Variants in SCIN observed in about 807,000 individuals in gnomAD.
The protein encoded by SCIN is scinderin.
In SCIN, 91 loss-of-function variants were observed where a neutral mutation model predicts 91.8. That is an observed-to-expected ratio of 0.99 (90% confidence interval 0.84 to 1.18). The LOEUF (loss-of-function observed/expected upper bound fraction) is 1.18. SCIN is among the 50% of genes most tolerant of loss of function. The probability of loss-of-function intolerance (pLI) is 0.00; values close to 1 mark genes in which losing one functional copy is unlikely to be tolerated. For missense variants in SCIN, 1,087 were observed against 863.9 expected (o/e 1.26, Z -3.24); for synonymous variants, 367 against 312.6 (o/e 1.17, Z -1.84).
intron 9 of SCIN, among the ~76,000 whole-genome samples, chr7:12,630,139 C>G (rs907483801): frequency 6.6e-6 from 1 of 151,992 alleles, no homozygotes; most frequent in South Asian, 2.1e-4. Context: ...GTGAACCTCA[C>G]ACCGAGACAG....
At chr7:12,633,796 A>G (rs1783693453) in intron 9 of SCIN, among the ~76,000 whole-genome samples, 1 of 152,198 alleles carries the variant, frequency 6.6e-6, no homozygotes, top group Admixed American at 6.5e-5. Context: ...GCCCATCATC[A>G]TGCAGCTCTG....
At chr7:12,641,017 A>T (rs536452925) in intron 11 of SCIN, among the ~76,000 whole-genome samples, 1 of 152,254 alleles carries the variant, frequency 6.6e-6, no homozygotes, top group African/African-American at 2.4e-5. Context: ...GTGCCATAAG[A>T]TAAGAAGACC....
At chr7:12,629,337 G>A in intron 9 of SCIN, 115 bp downstream of exon 9, 1 of 981,374 alleles carries the variant, frequency 1.0e-6, no homozygotes, top group Non-Finnish European at 1.4e-6. Context: ...AGTGAGATTT[G>A]TATAGCATGC....
chr7:12,572,572 T>G (rs1167744900), intron 1 of SCIN, among the ~76,000 whole-genome samples: 1 of 152,216 alleles, frequency 6.6e-6, no homozygotes, highest in African/African-American at 2.4e-5. Flanking sequence ...CTTTGTCAGA[T>G]GACCGCAAGG....
In SCIN at chr7:12,640,494, G is replaced by A; in HGVS notation, c.1558G>A (p.Ala520Thr). Residue 520 changes from alanine to threonine, a missense_variant, in exon 11 of 16, where the codon GCA becomes ACA. By Grantham distance (58) the Ala-to-Thr change is moderately conservative. Coordinates refer to ENST00000297029, the MANE Select transcript of SCIN (RefSeq NM_001112706.3). ...CCTCTTTCAAGTCCGGAGAAACCTG[G>A]CATCTATCACCAGAATTGTGGAGGT... The part of the protein sequence containing the change: ...TRLFQVRRNL[A>T]SITRIVEVDV... 7 of 1,611,480 alleles carry A rather than the reference G, an allele frequency of 4.3e-6. No homozygotes were observed. The highest frequency in any genetic ancestry group is 5.9e-6 in the Non-Finnish European group (7 of 1,178,834).
intron 13 of SCIN, among the ~76,000 whole-genome samples, chr7:12,645,727 A>G (rs1340231734): frequency 2.0e-5 from 3 of 152,186 alleles, no homozygotes; most frequent in Non-Finnish European, 2.9e-5. Context: ...TCCCACTTAT[A>G]AGTGAGAACC....
chr7:12,655,918 G>A lies in SCIN; in HGVS notation c.*3203G>A, dbSNP rs934532035. ...ACCCAGGAAGCCTACTGTTAGTAGA[G>A]GTCAGCCTCATCTTTTCTCTCTGAT... On this transcript the variant is annotated 3_prime_UTR_variant, in exon 16 of 16. Coordinates refer to ENST00000297029, the MANE Select transcript of SCIN (RefSeq NM_001112706.3). 2.0e-5 allele frequency: 3 copies of A among 152,118 alleles called. No individual in the cohort carries two copies. Among genetic ancestry groups the A allele is most frequent in the Admixed American group, 6.5e-5 (1 of 15,272 alleles). 9.4% of individuals were successfully genotyped at this position (152,118 alleles called of 1,614,324 possible).
chr7:12,571,652 A>T (rs1562590386), intron 1 of SCIN: 1 of 447,370 alleles, frequency 2.2e-6, no homozygotes, highest in Non-Finnish European at 4.5e-6. Flanking sequence ...GATATTTTAT[A>T]TACAAATAAA....
intron 13 of SCIN, among the ~76,000 whole-genome samples, chr7:12,646,234 T>A (rs1783963031): frequency 1.3e-5 from 2 of 152,252 alleles, no homozygotes; most frequent in African/African-American, 4.8e-5. Context: ...TACCATTGAC[T>A]GTGTGGTTTA....
chr7:12,625,727 G>C (rs1310953515), intron 6 of SCIN, 35 bp from the exon 7 acceptor site: 1 of 1,366,188 alleles, frequency 7.3e-7, no homozygotes, highest in Admixed American at 1.9e-5. Flanking sequence ...TTCCTTCTCT[G>C]AAGTTCTTTC....
At chr7:12,625,912 A>T in intron 7 of SCIN, 62 bp downstream of exon 7, 2 of 1,222,238 alleles carry the variant, frequency 1.6e-6, no homozygotes, top group South Asian at 1.4e-5. Flanking sequence ...TGACATCTCC[A>T]CGAAACTCAT....
intron 3 of SCIN, among the ~76,000 whole-genome samples, chr7:12,603,124 A>C (rs1374579091): frequency 4.6e-5 from 7 of 151,802 alleles, no homozygotes; most frequent in African/African-American, 1.5e-4. Flanking sequence ...CTATAAATGG[A>C]ATTTCTTGTT....
chr7:12,576,287 A>G (rs971092521), intron 1 of SCIN, among the ~76,000 whole-genome samples: 3 of 152,170 alleles, frequency 2.0e-5, no homozygotes, highest in African/African-American at 4.8e-5. Context: ...CGGTGTGTCA[A>G]ATACTTAACT....
chr7:12,646,381 C>T (rs375646857), intron 13 of SCIN, among the ~76,000 whole-genome samples: 184 of 152,206 alleles, frequency 1.2e-3, no homozygotes, highest in African/African-American at 4.2e-3. Context: ...AAGCTCTAGT[C>T]GTGTTCTTTC....
chr7:12,645,273 C>T (rs1239571730), intron 13 of SCIN, among the ~76,000 whole-genome samples: 3 of 151,926 alleles, frequency 2.0e-5, no homozygotes, highest in African/African-American at 7.3e-5. Context: ...GAGCCAAGAT[C>T]GTGCCACTGG....
chr7:12,631,303 A>T (rs1384528582), intron 9 of SCIN, among the ~76,000 whole-genome samples: 1 of 152,206 alleles, frequency 6.6e-6, no homozygotes, highest in African/African-American at 2.4e-5. Flanking sequence ...TCAGGAGCTT[A>T]TACGTAATGA....
chr7:12,621,391 A>G (rs1783404091), intron 4 of SCIN, among the ~76,000 whole-genome samples: 1 of 152,126 alleles, frequency 6.6e-6, no homozygotes, highest in Admixed American at 6.6e-5. Context: ...ATGCCTGGCT[A>G]ATATGGGAAT....
intron 4 of SCIN, among the ~76,000 whole-genome samples, chr7:12,610,405 C>T (rs577240526): frequency 6.6e-6 from 1 of 152,286 alleles, no homozygotes; most frequent in South Asian, 2.1e-4. Context: ...AGCCATACTT[C>T]TTCAAAGTAC....
At chr7:12,625,240 C>T in intron 6 of SCIN, 98 bp downstream of exon 6, 1 of 1,126,738 alleles carries the variant, frequency 8.9e-7, no homozygotes, top group Non-Finnish European at 1.2e-6. Flanking sequence ...AAAAAGCCCA[C>T]CTTTTAATTA....
Sources: allele counts gnomAD v4.1 joint callset (sites outside exome capture counted in the v4.1 genomes callset), GRCh38; gene constraint gnomAD v4.1.1; transcripts MANE v1.5; gene names NCBI Gene and HGNC (gene_info 2026-07-23, HGNC 2026-07-21).